CHD9: variants seen among roughly 807,000 people sequenced by gnomAD.
CHD9 encodes the protein ATP-dependent chromatin remodeler CHD9.
In CHD9, 77 loss-of-function variants were observed where a neutral mutation model predicts 316.1. The ratio of observed to expected loss-of-function variants is 0.24; its 90% confidence interval spans 0.20 to 0.29. The LOEUF (loss-of-function observed/expected upper bound fraction) is 0.29, where lower values mean the gene tolerates loss of function less well. CHD9 is among the 10% of genes least tolerant of loss of function. CHD9 has a pLI of 1.00. For synonymous variants in CHD9, 1,129 were observed against 1,158.3 expected (o/e 0.97, Z 0.51); for missense variants, 2,763 against 3,438.1 (o/e 0.80, Z 4.91).
At chr16:53,276,139 A>G (rs2052790425) in intron 24 of CHD9, among the ~76,000 whole-genome samples, 2 of 152,140 alleles carry the variant, frequency 1.3e-5, no homozygotes, top group African/African-American at 4.8e-5. Context: ...CATAGATTCT[A>G]TAGTCTAGCA....
chr16:53,262,927 A>ATAATG, intron 19 of CHD9, 60 bp from the exon 20 acceptor site: 1 of 1,249,312 alleles, frequency 8.0e-7, no homozygotes, highest in Non-Finnish European at 1.2e-6. Context: ...ATGTGAGGAG[A>ATAATG]TAATGTTTTA....
rs544753540 is a variant in CHD9 at position 53,168,619 on chromosome 16, G to A, written c.1452+11078G>A. 1.0e-3 allele frequency: 153 copies of A among 152,230 alleles called. 1 individual carries two copies. Among genetic ancestry groups the A allele is most frequent in the African/African-American group, 3.2e-3 (134 of 41,528 alleles). The allele number at this position is 152,230 out of a possible 1,614,324, so 9.4% of individuals were successfully genotyped here. Reference sequence around the variant, plus strand: ...AGCAAAAAAATAACAAAAGTTCATAGAGCACCTATTGTGTATTAGGTTGGT... The same window carrying A: ...AGCAAAAAAATAACAAAAGTTCATAAAGCACCTATTGTGTATTAGGTTGGT... On this transcript the variant is annotated intron_variant, in intron 2 of 38. Coordinates refer to ENST00000447540, the MANE Select transcript of CHD9 (RefSeq NM_001308319.2).
At chr16:53,101,272 T>C (rs1268565571) in intron 1 of CHD9, among the ~76,000 whole-genome samples, 1 of 139,830 alleles carries the variant, frequency 7.2e-6, no homozygotes, top group African/African-American at 2.6e-5. Context: ...TTTTTCCTTT[T>C]CTTTTTTTTT....
chr16:53,185,104 G>A (rs1451496021), intron 2 of CHD9, among the ~76,000 whole-genome samples: 2 of 152,196 alleles, frequency 1.3e-5, no homozygotes, highest in Admixed American at 1.3e-4. Context: ...GTGGGGCACT[G>A]CTGTAAAGAT....
In CHD9 at chr16:53,227,555, C is replaced by T. The variant is rs1212646569; in HGVS notation, c.2120C>T (p.Pro707Leu). Residue 707 changes from proline (P) to leucine (L), a missense_variant, in exon 7 of 39, where the codon CCT becomes CTT. Physicochemically the swap from Pro to Leu is moderately conservative, Grantham distance 98 (BLOSUM62 -3). Around this residue, in one of 15 missense-constraint regions of CHD9, gnomAD observed 859 missense variants for 890.4 expected, o/e 0.96. Transcript: ENST00000447540. Reference protein sequence around the residue: ...SSRTVKKEISPGVMIDTEEFF... With the variant: ...SSRTVKKEISLGVMIDTEEFF... ...CTGATTTTCTTTTCTTAGATATCAC[C>T]TGGAGTGATGATTGATACAGAAGAA... 6.9e-7 allele frequency: 1 copy of T among 1,440,678 alleles called. No individual in the cohort carries two copies. The highest frequency in any genetic ancestry group is 9.3e-7 in the Non-Finnish European group (1 of 1,069,720). 89.2% of individuals were successfully genotyped at this position (1,440,678 alleles called of 1,614,324 possible).
rs1403960711 is a variant in CHD9 at position 53,327,104 on chromosome 16, AGTT to A, written c.*2212_*2214del. The A allele has an allele frequency of 6.6e-6, 1 of 152,478 alleles. No homozygotes were observed. The highest frequency in any genetic ancestry group is 2.4e-5 in the African/African-American group (1 of 41,436). 9.4% of individuals were successfully genotyped at this position (152,478 alleles called of 1,614,324 possible). A position where few individuals can be genotyped will look rare whatever the true frequency, so the allele number is the denominator to read the frequency against. Reference sequence around the variant, plus strand: ...TTCTATTTAATATTCATTGGGGAAAAGTTGTCCAGCTATCAGCTAAGAAAACAC... The same window carrying A: ...TTCTATTTAATATTCATTGGGGAAAAGTCCAGCTATCAGCTAAGAAAACAC... On this transcript the variant is annotated 3_prime_UTR_variant, in exon 39 of 39. Transcript: ENST00000447540.
chr16:53,317,391 C>G (rs1489236380), intron 36 of CHD9, among the ~76,000 whole-genome samples: 3 of 152,072 alleles, frequency 2.0e-5, no homozygotes, highest in Non-Finnish European at 4.4e-5. Flanking sequence ...CTGGAAATAC[C>G]TGCAAACATT....
chr16:53,275,118 A>C (rs1264194378), intron 24 of CHD9, among the ~76,000 whole-genome samples: 2 of 152,116 alleles, frequency 1.3e-5, no homozygotes, highest in African/African-American at 4.8e-5. Flanking sequence ...TGCAACCTCC[A>C]TCTCCCAGGT....
chr16:53,304,336 A>G lies in CHD9; in HGVS notation c.6330A>G (p.Glu2110=), dbSNP rs1209237823. Residue 2110 remains glutamate (E), a synonymous_variant, in exon 31 of 39, where the codon GAA becomes GAG. Transcript: ENST00000447540. ...GACGCATGGTTGCAGCCAGAACAGAACCCCTAACTCCAAACCCAGCTTCTA... is the reference window on the plus strand; with the variant it reads ...GACGCATGGTTGCAGCCAGAACAGAGCCCCTAACTCCAAACCCAGCTTCTA... ...TDRRMVAART[E]PLTPNPASKK... is the part of the protein sequence containing the mutation. 1.9e-6 allele frequency: 3 copies of G among 1,612,930 alleles called. No homozygotes were observed. The highest frequency in any genetic ancestry group is 4.5e-5 in the East Asian group (2 of 44,848).
At chr16:53,129,884 T>C (rs62047987) in intron 1 of CHD9, among the ~76,000 whole-genome samples, 36,467 of 151,986 alleles carry the variant, frequency 0.24, 4,723 homozygotes, top group Middle Eastern at 0.32. Flanking sequence ...CTCTTCCTTT[T>C]ACAGAAGGCA....
intron 2 of CHD9, among the ~76,000 whole-genome samples, chr16:53,189,194 A>G (rs1251573651): frequency 6.6e-6 from 1 of 152,030 alleles, no homozygotes; most frequent in Non-Finnish European, 1.5e-5. Context: ...TTTTCAGAAC[A>G]GTGTTGAATA....
intron 16 of CHD9, among the ~76,000 whole-genome samples, chr16:53,248,791 G>A (rs2049893467): frequency 6.6e-6 from 1 of 151,990 alleles, no homozygotes; most frequent in Non-Finnish European, 1.5e-5. Context: ...CAAAGTGCTA[G>A]GATTATAGGC....
Position 53,254,588 on chromosome 16 carries a change from G to T in CHD9, c.4012G>T (p.Glu1338Ter). The T allele has an allele frequency of 6.2e-7, 1 of 1,605,286 alleles. No homozygotes were observed. The highest frequency in any genetic ancestry group is 2.2e-5 in the East Asian group (1 of 44,674). The change falls in exon 18 of 39, where the codon GAA becomes TAA. Residue 1338 changes from glutamate (E) to a stop codon, truncating the protein, a stop_gained. Coordinates refer to ENST00000447540, the MANE Select transcript of CHD9 (RefSeq NM_001308319.2). LOFTEE classifies it high-confidence loss of function. ...KAVLQSMSGRESNVGGIQQLS... is the reference protein window; with the variant it reads ...KAVLQSMSGR ...TGTGTTACAGAGCATGAGTGGAAGA[G>T]AAAGTAATGTTGGTGGTGTATGTAT...
intron 34 of CHD9, among the ~76,000 whole-genome samples, chr16:53,310,229 T>C (rs932891365): frequency 1.3e-5 from 2 of 152,242 alleles, no homozygotes; most frequent in African/African-American, 4.8e-5. Context: ...CACCCATGCT[T>C]CTATTACTGT....
intron 19 of CHD9, among the ~76,000 whole-genome samples, chr16:53,259,591 C>T (rs2050909020): frequency 6.6e-6 from 1 of 152,154 alleles, no homozygotes. Flanking sequence ...CGATTCACTA[C>T]AGCCTTGACT....
rs553739072 is a variant in CHD9, at chr16:53,279,073, G to A, written c.4967+4771G>A. ...ACACATGCACACGTACGTATATTGC[G>A]GCACTATTCACAACAGCAGAGACTT... On this transcript the variant is annotated intron_variant, in intron 24 of 38. Coordinates refer to ENST00000447540, the MANE Select transcript of CHD9 (RefSeq NM_001308319.2). 2.6e-5 allele frequency among the ~76,000 whole-genome samples: 4 copies of A among 152,182 alleles called. No homozygotes were observed. The South Asian group carries it at 6.2e-4, about 24-fold the overall frequency.
intron 1 of CHD9, among the ~76,000 whole-genome samples, chr16:53,145,791 A>G (rs2040525440): frequency 6.6e-6 from 1 of 152,116 alleles, no homozygotes; most frequent in Admixed American, 6.5e-5. Context: ...GTATACTACC[A>G]AAAGCTAGAT....
chr16:53,216,591 C>T (rs568917636), intron 3 of CHD9, among the ~76,000 whole-genome samples: 1 of 152,152 alleles, frequency 6.6e-6, no homozygotes, highest in African/African-American at 2.4e-5. Context: ...CCAATACCTA[C>T]CTGCCTTGCC....
chr16:53,228,916 G>T, intron 7 of CHD9, 67 bp from the exon 8 acceptor site: 5 of 723,832 alleles, frequency 6.9e-6, no homozygotes, highest in South Asian at 4.5e-5. Flanking sequence ...TGGATGTTAT[G>T]ATTTAAAATA....
Sources: allele counts gnomAD v4.1 joint callset (sites outside exome capture counted in the v4.1 genomes callset), GRCh38; gene constraint gnomAD v4.1.1; regional missense constraint gnomAD v4.1.1; transcripts MANE v1.5; gene names NCBI Gene and HGNC (gene_info 2026-07-23, HGNC 2026-07-21).